The following PHF14 variants were observed in gnomAD, a reference collection of about 807,000 sequenced individuals.
PHF14 encodes PHD finger protein 14.
PHF14 carries 55 observed loss-of-function variants against 117.9 expected under a neutral mutation model. The observed-to-expected ratio is 0.47, with a 90% CI of 0.38 to 0.58. PHF14 has a LOEUF of 0.58. PHF14 is among the 20% of genes least tolerant of loss of function. PHF14 has a pLI of 0.00. For synonymous variants in PHF14, 409 were observed against 368.6 expected, an observed-to-expected ratio of 1.11 and a Z score of -1.26; for missense variants, 978 against 1,122.2, an observed-to-expected ratio of 0.87 and a Z score of 1.84.
At chr7:11,138,059 C>T (rs572236846) in intron 17 of PHF14, among the ~76,000 whole-genome samples, 16 of 143,212 alleles carry the variant, frequency 1.1e-4, no homozygotes, top group Non-Finnish European at 7.5e-5. Flanking sequence ...TTTTTTGAGA[C>T]GGAGTCTTTG....
Position 11,127,562 on chromosome 7 carries a change from A to G in PHF14, c.2772+16095A>G, listed in dbSNP as rs4720939. On this transcript the variant is annotated intron_variant, in intron 17 of 17. Transcript: ENST00000634607. ...TACTACAGACAGACAGGCATGTATC[A>G]TCATCTAGTCCTTGTCCTCCAAACT... Among the ~76,000 whole-genome samples the G allele has an allele frequency of 3.7e-4, 56 of 152,184 alleles. 1 individual carries two copies. Among genetic ancestry groups the G allele is most frequent in the African/African-American group, 1.3e-3 (55 of 41,526 alleles).
intron 17 of PHF14, among the ~76,000 whole-genome samples, chr7:11,145,854 A>G (rs1425390507): frequency 2.0e-5 from 3 of 152,104 alleles, no homozygotes; most frequent in Non-Finnish European, 2.9e-5. Flanking sequence ...TATACGTTAT[A>G]CATTACCATA....
chr7:11,165,749 C>T (rs1469895911), intron 17 of PHF14, among the ~76,000 whole-genome samples: 1 of 152,208 alleles, frequency 6.6e-6, no homozygotes, highest in Non-Finnish European at 1.5e-5. Flanking sequence ...AGAACTAAAT[C>T]ACATTTATAA....
rs980992972 is a variant in PHF14 at position 11,055,967 on chromosome 7, A to G, written c.2481+4187A>G. On this transcript the variant is annotated intron_variant, in intron 14 of 17. Transcript: ENST00000634607. ...TCTTATACTAACTGTTTGAATTACT[A>G]CAGTTCTGGGAAAGAAGAGTTATTT... Among the ~76,000 whole-genome samples, 3 of 152,168 alleles carry G rather than the reference A, an allele frequency of 2.0e-5. No homozygotes were observed. In the East Asian group the frequency reaches 5.8e-4, roughly 29 times the overall value.
chr7:10,987,641 G>A lies in PHF14; in HGVS notation c.901-3062G>A, dbSNP rs145426273. ...ATCATAATAAAGTTATTTTCTAGGTGGTACTTTTTTGCCATTCAAAACCTA... is the reference window on the plus strand; with the variant it reads ...ATCATAATAAAGTTATTTTCTAGGTAGTACTTTTTTGCCATTCAAAACCTA... On this transcript the variant is annotated intron_variant, in intron 3 of 17. Transcript: ENST00000634607. Among the ~76,000 whole-genome samples, 731 of 151,364 alleles carry A rather than the reference G, an allele frequency of 4.8e-3. 4 individuals are homozygous for A. Among genetic ancestry groups the A allele is most frequent in the African/African-American group, 0.017 (698 of 41,274 alleles).
rs932226535 is a variant in PHF14 at position 11,035,709 on chromosome 7, A to G, written c.1525A>G (p.Lys509Glu). 3 of 1,611,690 alleles carry G rather than the reference A, an allele frequency of 1.9e-6. No individual in the cohort carries two copies. In the Admixed American group the frequency reaches 5.0e-5, roughly 27 times the overall value. ...ADRLDRKWKR[K>E]NYLALQSYCK... Reference sequence around the variant, plus strand: ...TAGGTTAGACAGAAAGTGGAAGAGAAAAAACTACTTGGCTCTACAGTCCTA... The same window carrying G: ...TAGGTTAGACAGAAAGTGGAAGAGAGAAAACTACTTGGCTCTACAGTCCTA... The change falls in exon 8 of 18, where the codon AAA becomes GAA. Residue 509 changes from lysine (K) to glutamate (E), a missense_variant. This residue lies in a region of PHF14 where 237 missense variants were observed against 276.4 expected (regional missense o/e 0.86). Coordinates refer to ENST00000634607, the MANE Select transcript of PHF14 (RefSeq NM_001007157.2).
intron 4 of PHF14, among the ~76,000 whole-genome samples, chr7:10,996,604 A>G (rs1782656706): frequency 6.6e-6 from 1 of 152,214 alleles, no homozygotes; most frequent in Non-Finnish European, 1.5e-5. Flanking sequence ...GAAAAAAAAA[A>G]CTAATTGATA....
intron 16 of PHF14, among the ~76,000 whole-genome samples, chr7:11,065,316 G>C (rs1461761524): frequency 6.6e-6 from 1 of 152,008 alleles, no homozygotes; most frequent in Admixed American, 6.6e-5. Flanking sequence ...AGTCTTAAAG[G>C]CTTTGTCTGT....
At chr7:10,980,910 T>G (rs916728816) in intron 2 of PHF14, among the ~76,000 whole-genome samples, 29 of 152,190 alleles carry the variant, frequency 1.9e-4, no homozygotes, top group African/African-American at 6.3e-4. Context: ...GATATTGCTC[T>G]TGTATCCTAT....
intron 16 of PHF14, among the ~76,000 whole-genome samples, chr7:11,097,646 G>A (rs543389217): frequency 3.9e-5 from 6 of 152,278 alleles, no homozygotes; most frequent in African/African-American, 1.4e-4. Flanking sequence ...CCTTACCACA[G>A]TTAATGCTAG....
intron 13 of PHF14, among the ~76,000 whole-genome samples, chr7:11,045,993 G>C (rs148315373): frequency 1.3e-5 from 2 of 152,266 alleles, no homozygotes; most frequent in East Asian, 3.9e-4. Flanking sequence ...GGAAAACCTA[G>C]GGGCTTCTTA....
intron 17 of PHF14, among the ~76,000 whole-genome samples, chr7:11,138,628 T>TA (rs1788311755): frequency 6.6e-6 from 1 of 152,176 alleles, no homozygotes; most frequent in Non-Finnish European, 1.5e-5. Context: ...ATATAAATCA[T>TA]ATACTTAACA....
At chr7:11,057,424 G>T (rs963547022) in intron 14 of PHF14, among the ~76,000 whole-genome samples, 1 of 151,918 alleles carries the variant, frequency 6.6e-6, no homozygotes, top group Non-Finnish European at 1.5e-5. Context: ...GCCCAGGCTG[G>T]AGTGCAGTGG....
chr7:10,985,048 GT>G (rs1385822738), intron 3 of PHF14, among the ~76,000 whole-genome samples: 1 of 152,030 alleles, frequency 6.6e-6, no homozygotes, highest in Non-Finnish European at 1.5e-5. Flanking sequence ...CTCTACAGTA[GT>G]TTTTTGATGA....
intron 17 of PHF14, among the ~76,000 whole-genome samples, chr7:11,165,806 GCTGA>G (rs571220095): frequency 8.7e-4 from 132 of 152,320 alleles, no homozygotes; most frequent in Non-Finnish European, 1.4e-3. Flanking sequence ...GATAGTGCAA[GCTGA>G]CTAACATTTA....
chr7:11,062,427 A>G (rs1195839948), intron 16 of PHF14: 1 of 160,184 alleles, frequency 6.2e-6, no homozygotes, highest in East Asian at 1.8e-4. Context: ...TCAGAAAACA[A>G]TAAAGTTACT....
intron 17 of PHF14, among the ~76,000 whole-genome samples, chr7:11,164,731 C>T (rs1789150606): frequency 6.6e-6 from 1 of 152,138 alleles, no homozygotes; most frequent in African/African-American, 2.4e-5. Context: ...TTTTATGTAA[C>T]CATAGTACAA....
intron 4 of PHF14, among the ~76,000 whole-genome samples, chr7:10,997,808 A>G (rs1039280420): frequency 2.0e-5 from 3 of 152,174 alleles, no homozygotes; most frequent in Admixed American, 6.5e-5. Flanking sequence ...TCAAAGAGAG[A>G]AAGAGACGGA....
At chr7:11,074,400 C>T (rs936937767) in intron 16 of PHF14, among the ~76,000 whole-genome samples, 1 of 151,834 alleles carries the variant, frequency 6.6e-6, no homozygotes, top group African/African-American at 2.4e-5. Context: ...TTAGTAGAGG[C>T]AGGGTTTCGC....
Sources: gnomAD v4.1 joint callset for allele counts (sites outside exome capture counted in the v4.1 genomes callset) on GRCh38, gnomAD v4.1.1 for gene constraint, gnomAD v4.1.1 regional missense constraint, MANE v1.5 for transcripts, NCBI Gene and HGNC (gene_info 2026-07-23, HGNC 2026-07-21) for gene names.